The following MAGI1 variants were observed in gnomAD, a reference collection of about 807,000 sequenced individuals.
The protein encoded by MAGI1 is membrane associated guanylate kinase, WW and PDZ domain containing 1, also known as membrane-associated guanylate kinase, WW and PDZ domain-containing protein 1.
In MAGI1, 58 loss-of-function variants were observed where a neutral mutation model predicts 139.9. The ratio of observed to expected loss-of-function variants is 0.41; its 90% CI spans 0.34 to 0.52. MAGI1 has a LOEUF of 0.52. Among genes scored for constraint, MAGI1 ranks in the 20% least tolerant of loss-of-function variants. The pLI, the probability that MAGI1 is intolerant of heterozygous loss-of-function variation, is 0.12. For missense variants in MAGI1, 1,874 were observed against 1,901.6 expected, an observed-to-expected ratio of 0.99 and a Z score of 0.27; for synonymous variants, 812 against 737.9, an observed-to-expected ratio of 1.10 and a Z score of -1.63.
chr3:65,523,333 G>C (rs1384209896), intron 2 of MAGI1, among the ~76,000 whole-genome samples: 4 of 151,930 alleles, frequency 2.6e-5, no homozygotes, highest in Admixed American at 6.6e-5. Flanking sequence ...GTTCAACAGA[G>C]GGTTACTGGA....
chr3:65,786,596 C>T (rs1040330656), intron 1 of MAGI1, among the ~76,000 whole-genome samples: 1 of 146,270 alleles, frequency 6.8e-6, no homozygotes, highest in Non-Finnish European at 1.5e-5. Flanking sequence ...AGACACCACG[C>T]CTGGCCCAAG....
intron 2 of MAGI1, among the ~76,000 whole-genome samples, chr3:65,505,735 T>C (rs1316287816): frequency 6.6e-6 from 1 of 151,468 alleles, no homozygotes; most frequent in Non-Finnish European, 1.5e-5. Context: ...AATTACATCG[T>C]TTCAATGGTT....
chr3:65,493,154 T>A (rs2107669247), intron 3 of MAGI1, among the ~76,000 whole-genome samples: 1 of 152,198 alleles, frequency 6.6e-6, no homozygotes, highest in South Asian at 2.1e-4. Context: ...AAAGTGATAT[T>A]TTATTTCTTC....
At chr3:65,627,842 T>C (rs12631334) in intron 1 of MAGI1, among the ~76,000 whole-genome samples, 1 of 152,078 alleles carries the variant, frequency 6.6e-6, no homozygotes, top group African/African-American at 2.4e-5. Flanking sequence ...TGGAATTCTG[T>C]GTCTTCTAAA....
intron 8 of MAGI1, among the ~76,000 whole-genome samples, 186 bp from the exon 9 acceptor site, chr3:65,440,198 T>A (rs2107414789): frequency 6.6e-6 from 1 of 152,320 alleles, no homozygotes; most frequent in Middle Eastern, 3.4e-3. Context: ...ACTGCTTATA[T>A]GCACTAAGCA....
chr3:65,408,594 A>G (rs1440198255), intron 12 of MAGI1, among the ~76,000 whole-genome samples: 1 of 152,192 alleles, frequency 6.6e-6, no homozygotes, highest in Non-Finnish European at 1.5e-5. Context: ...GTTCTAAACA[A>G]TGAACATCAA....
At chr3:65,369,458 CT>C (rs1279375861) in intron 18 of MAGI1, among the ~76,000 whole-genome samples, 1 of 151,444 alleles carries the variant, frequency 6.6e-6, no homozygotes, top group Non-Finnish European at 1.5e-5. Flanking sequence ...GGCAGAGCAT[CT>C]TTTCAAAGGG....
intron 1 of MAGI1, among the ~76,000 whole-genome samples, chr3:65,717,271 G>A (rs1341895106): frequency 6.6e-6 from 1 of 152,186 alleles, no homozygotes. Context: ...ACTGGGAACA[G>A]TTTTGTCCCT....
At chr3:65,399,320 C>G (rs1944664391) in intron 13 of MAGI1, among the ~76,000 whole-genome samples, 1 of 152,180 alleles carries the variant, frequency 6.6e-6, no homozygotes, top group Non-Finnish European at 1.5e-5. Context: ...CATCTGTCTC[C>G]CTGGCAGGAC....
chr3:65,882,707 C>G (rs2060379828), intron 1 of MAGI1, among the ~76,000 whole-genome samples: 1 of 152,076 alleles, frequency 6.6e-6, no homozygotes, highest in African/African-American at 2.4e-5. Flanking sequence ...CTGAGGCAGG[C>G]AGATGGCTTG....
intron 12 of MAGI1, among the ~76,000 whole-genome samples, chr3:65,422,263 C>A (rs1946681189): frequency 6.6e-6 from 1 of 152,202 alleles, no homozygotes; most frequent in Non-Finnish European, 1.5e-5. Context: ...GGCTACTTGA[C>A]AAGATGCTGG....
intron 1 of MAGI1, among the ~76,000 whole-genome samples, chr3:65,635,207 GGTGT>G (rs1262061478): frequency 6.6e-6 from 1 of 152,074 alleles, no homozygotes; most frequent in Non-Finnish European, 1.5e-5. Context: ...TGGAACTACA[GGTGT>G]GTGCCACCAC....
intron 10 of MAGI1, among the ~76,000 whole-genome samples, chr3:65,433,805 G>A (rs1947636729): frequency 6.6e-6 from 1 of 152,018 alleles, no homozygotes; most frequent in Non-Finnish European, 1.5e-5. Context: ...GGAGGGGAAA[G>A]AAATGTCACT....
At chr3:65,984,119 C>G (rs551743856) in intron 1 of MAGI1, among the ~76,000 whole-genome samples, 1 of 152,220 alleles carries the variant, frequency 6.6e-6, no homozygotes, top group East Asian at 1.9e-4. Flanking sequence ...GATGGTGAAA[C>G]CCCATCTCTA....
At chr3:65,565,742 A>G (rs2080587232) in intron 2 of MAGI1, among the ~76,000 whole-genome samples, 2 of 151,760 alleles carry the variant, frequency 1.3e-5, no homozygotes, top group African/African-American at 4.8e-5. Flanking sequence ...CTATAATCCC[A>G]GCTACTCTGG....
intron 1 of MAGI1, among the ~76,000 whole-genome samples, chr3:65,852,502 A>ATTT (rs1340104660): frequency 5.1e-5 from 7 of 137,468 alleles, no homozygotes; most frequent in African/African-American, 1.1e-4. Flanking sequence ...CTTGACACCA[A>ATTT]TTTTTTTTTT....
At chr3:65,706,504 G>C (rs1201183293) in intron 1 of MAGI1, among the ~76,000 whole-genome samples, 1 of 152,168 alleles carries the variant, frequency 6.6e-6, no homozygotes, top group Non-Finnish European at 1.5e-5. Flanking sequence ...GGAAACTGTC[G>C]AAAATGAGCC....
intron 1 of MAGI1, among the ~76,000 whole-genome samples, chr3:65,631,960 G>T (rs1049617876): frequency 1.3e-5 from 2 of 151,846 alleles, no homozygotes; most frequent in Non-Finnish European, 2.9e-5. Context: ...AGGAGGCAGA[G>T]GTTGCAGTGA....
intron 1 of MAGI1, among the ~76,000 whole-genome samples, chr3:65,737,497 TG>T (rs2034870081): frequency 6.6e-6 from 1 of 152,226 alleles, no homozygotes; most frequent in South Asian, 2.1e-4. Context: ...TCCAGCAATG[TG>T]CTAAATACTG....
Sources: gnomAD v4.1 joint callset for allele counts (sites outside exome capture counted in the v4.1 genomes callset) on GRCh38, gnomAD v4.1.1 for gene constraint, MANE v1.5 for transcripts, NCBI Gene and HGNC (gene_info 2026-07-23, HGNC 2026-07-21) for gene names.